SLC9A9: variants seen among roughly 807,000 people sequenced by gnomAD.
SLC9A9 encodes solute carrier family 9 member A9.
A neutral mutation model predicts 77.8 loss-of-function variants in SLC9A9; 62 were observed. That is an observed-to-expected ratio of 0.80 (90% confidence interval 0.65 to 0.98). The LOEUF is 0.98. Ranked by LOEUF, SLC9A9 falls within the 50% of genes least tolerant of loss-of-function variation. SLC9A9 has a pLI of 0.00. For synonymous variants in SLC9A9, 320 were observed against 283.5 expected, an observed-to-expected ratio of 1.13 and a Z score of -1.29; for missense variants, 775 against 774.9, an observed-to-expected ratio of 1.00 and a Z score of 0.00.
chr3:143,730,863 AAAAAAG>A (rs961671595), intron 4 of SLC9A9, among the ~76,000 whole-genome samples: 8 of 152,220 alleles, frequency 5.3e-5, no homozygotes, highest in African/African-American at 1.9e-4. Context: ...ATGACTTAAA[AAAAAAG>A]AAAAAGAAAA....
chr3:143,417,045 C>T (rs1020339683), intron 12 of SLC9A9, among the ~76,000 whole-genome samples: 2 of 152,064 alleles, frequency 1.3e-5, no homozygotes, highest in Non-Finnish European at 2.9e-5. Context: ...TATAGGAGAA[C>T]ATACTGGTAT....
chr3:143,790,027 GA>G (rs987623274), intron 4 of SLC9A9, among the ~76,000 whole-genome samples: 5 of 152,140 alleles, frequency 3.3e-5, no homozygotes, highest in Admixed American at 3.3e-4. Context: ...TATGTTAGGG[GA>G]GGGACCTTGT....
chr3:143,750,445 G>C (rs2006665710), intron 4 of SLC9A9, among the ~76,000 whole-genome samples: 1 of 152,086 alleles, frequency 6.6e-6, no homozygotes. Context: ...TTTCACAATA[G>C]AGCTAAAAAC....
At chr3:143,609,755 A>T (rs529219308) in intron 6 of SLC9A9, among the ~76,000 whole-genome samples, 1 of 152,336 alleles carries the variant, frequency 6.6e-6, no homozygotes, top group East Asian at 1.9e-4. Flanking sequence ...CTTAATTTAT[A>T]TATTAGATAT....
At chr3:143,358,029 T>G (rs1230081559) in intron 14 of SLC9A9, among the ~76,000 whole-genome samples, 1 of 151,134 alleles carries the variant, frequency 6.6e-6, no homozygotes, top group Non-Finnish European at 1.5e-5. Context: ...TCTTTCCTTT[T>G]TTTTTTTTTT....
At chr3:143,286,975 T>C (rs891695095) in intron 14 of SLC9A9, among the ~76,000 whole-genome samples, 1 of 152,200 alleles carries the variant, frequency 6.6e-6, no homozygotes, top group African/African-American at 2.4e-5. Flanking sequence ...ACTCTCCATG[T>C]CTCAGACCCT....
At chr3:143,686,726 A>G (rs1933282674) in intron 5 of SLC9A9, among the ~76,000 whole-genome samples, 1 of 152,092 alleles carries the variant, frequency 6.6e-6, no homozygotes, top group Non-Finnish European at 1.5e-5. Context: ...ACCAAACGAG[A>G]CCCCAAGACA....
intron 4 of SLC9A9, among the ~76,000 whole-genome samples, chr3:143,722,100 C>T (rs1270987594): frequency 1.3e-5 from 2 of 152,136 alleles, no homozygotes; most frequent in Admixed American, 6.5e-5. Context: ...AGAAGTGTAT[C>T]AAACTGCAAT....
At chr3:143,746,979 G>A (rs1935210251) in intron 4 of SLC9A9, among the ~76,000 whole-genome samples, 1 of 152,028 alleles carries the variant, frequency 6.6e-6, no homozygotes, top group African/African-American at 2.4e-5. Flanking sequence ...ATATTTTTAA[G>A]CCTTTTTTCC....
At chr3:143,716,870 C>A (rs1026048056) in intron 4 of SLC9A9, among the ~76,000 whole-genome samples, 1 of 152,086 alleles carries the variant, frequency 6.6e-6, no homozygotes, top group Non-Finnish European at 1.5e-5. Flanking sequence ...TTGCTGTTGG[C>A]TTGCACAACT....
At chr3:143,694,108 G>A (rs377115882) in intron 4 of SLC9A9, among the ~76,000 whole-genome samples, 8 of 152,106 alleles carry the variant, frequency 5.3e-5, no homozygotes, top group African/African-American at 1.9e-4. Context: ...AGAACTGTAA[G>A]AGTCTTTAGA....
chr3:143,363,704 G>A (rs2032819948), intron 13 of SLC9A9, 141 bp from the exon 14 acceptor site: 2 of 696,238 alleles, frequency 2.9e-6, no homozygotes, highest in Admixed American at 5.2e-5. Flanking sequence ...AAATGGTGAA[G>A]CAGTTTCCAG....
At chr3:143,747,835 A>G (rs143024628) in intron 4 of SLC9A9, among the ~76,000 whole-genome samples, 1 of 152,322 alleles carries the variant, frequency 6.6e-6, no homozygotes, top group African/African-American at 2.4e-5. Context: ...CAGCTATAAG[A>G]AATGAATACA....
intron 4 of SLC9A9, among the ~76,000 whole-genome samples, chr3:143,784,280 G>A (rs2007975489): frequency 6.6e-6 from 1 of 152,132 alleles, no homozygotes; most frequent in Non-Finnish European, 1.5e-5. Flanking sequence ...GTAGGTTTAT[G>A]TATTTTCCCA....
intron 6 of SLC9A9, among the ~76,000 whole-genome samples, chr3:143,634,682 A>G (rs1272370517): frequency 2.0e-5 from 3 of 152,162 alleles, no homozygotes; most frequent in Non-Finnish European, 4.4e-5. Context: ...AGAGACAGAG[A>G]GATCCATATT....
At chr3:143,552,245 C>T in intron 9 of SLC9A9, 117 bp downstream of exon 9, 1 of 720,712 alleles carries the variant, frequency 1.4e-6, no homozygotes, top group Non-Finnish European at 2.2e-6. Flanking sequence ...GTAATGAAGC[C>T]TTAAGCTTAC....
At chr3:143,623,870 A>T (rs2038267784) in intron 6 of SLC9A9, among the ~76,000 whole-genome samples, 1 of 152,226 alleles carries the variant, frequency 6.6e-6, no homozygotes, top group African/African-American at 2.4e-5. Flanking sequence ...ACCGCTAGTA[A>T]GACTAATAAA....
At chr3:143,689,084 T>C (rs1188444261) in intron 5 of SLC9A9, among the ~76,000 whole-genome samples, 1 of 152,040 alleles carries the variant, frequency 6.6e-6, no homozygotes, top group African/African-American at 2.4e-5. Flanking sequence ...TTCATATGGA[T>C]AAACCCCCCA....
chr3:143,799,304 C>T (rs992756075), intron 2 of SLC9A9, among the ~76,000 whole-genome samples: 1 of 152,222 alleles, frequency 6.6e-6, no homozygotes, highest in Non-Finnish European at 1.5e-5. Context: ...ACCCAATCCT[C>T]TCCCAACATT....
Sources: gnomAD v4.1 joint callset for allele counts (sites outside exome capture counted in the v4.1 genomes callset) on GRCh38, gnomAD v4.1.1 for gene constraint, MANE v1.5 for transcripts, NCBI Gene and HGNC (gene_info 2026-07-23, HGNC 2026-07-21) for gene names.